XRN1: variants seen among roughly 807,000 people sequenced by gnomAD.
The protein encoded by XRN1 is 5'-3' exoribonuclease 1, also known as strand-exchange protein 1 homolog.
Under a neutral mutation model 222.3 loss-of-function variants are expected in XRN1, and 67 were observed. That is an observed-to-expected ratio of 0.30 (90% CI 0.25 to 0.37). XRN1 has a LOEUF of 0.37. Ranked by LOEUF, XRN1 falls within the 10% of genes least tolerant of loss-of-function variation. The pLI, the probability that XRN1 is intolerant of heterozygous loss-of-function variation, is 1.00. For synonymous variants in XRN1, 643 were observed against 652.4 expected, an observed-to-expected ratio of 0.99 and a Z score of 0.22; for missense variants, 1,707 against 2,000.2, an observed-to-expected ratio of 0.85 and a Z score of 2.80.
At chr3:142,314,616 C>T (rs749221667) in intron 39 of XRN1, among the ~76,000 whole-genome samples, 3 of 151,734 alleles carry the variant, frequency 2.0e-5, no homozygotes, top group Non-Finnish European at 4.4e-5. Flanking sequence ...ATGACTAAAA[C>T]ATTGTTGGCT....
In XRN1 at chr3:142,446,646, A is replaced by T. The variant is rs986809383; in HGVS notation, c.75+1224T>A. ...TTTAGAGATAAAGTGACTGATATAT[A>T]GCAGGTACTGACTGAAGGATGCAAG... On this transcript the variant is annotated intron_variant, in intron 1 of 40. Transcript: ENST00000392981. Among the ~76,000 whole-genome samples the T allele has an allele frequency of 5.3e-5, 8 of 152,260 alleles. No individual in the cohort carries two copies. The South Asian group carries it at 1.4e-3, about 28-fold the overall frequency.
At chr3:142,334,947 T>C (rs2065812913) in intron 34 of XRN1, among the ~76,000 whole-genome samples, 8 of 146,776 alleles carry the variant, frequency 5.5e-5, no homozygotes, top group Admixed American at 5.4e-4. Context: ...GTGATTCTCC[T>C]GCCTCAGCCT....
Position 142,318,716 on chromosome 3 carries a change from A to C in XRN1, c.4519-22T>G, listed in dbSNP as rs1300042212. ...AGCCCTGTGGAAGTATTTAAAAGTTACAAGACAATGCAATACAAGCTTTCT... is the reference window on the plus strand; with the variant it reads ...AGCCCTGTGGAAGTATTTAAAAGTTCCAAGACAATGCAATACAAGCTTTCT... On this transcript the variant is annotated intron_variant, in intron 38 of 40. Coordinates refer to ENST00000392981, the MANE Select transcript of XRN1 (RefSeq NM_001282857.2). The C allele has an allele frequency of 1.9e-6, 3 of 1,610,338 alleles. No individual in the cohort carries two copies. In the East Asian group the frequency reaches 6.7e-5, roughly 36 times the overall value.
chr3:142,383,186 ATTCT>A, intron 22 of XRN1, 110 bp downstream of exon 22: 2 of 833,890 alleles, frequency 2.4e-6, no homozygotes, highest in Admixed American at 2.8e-5. Context: ...ACATGGATAA[ATTCT>A]TTATTTTTTC....
intron 14 of XRN1, among the ~76,000 whole-genome samples, chr3:142,413,575 G>C (rs931721207): frequency 3.3e-5 from 5 of 152,180 alleles, no homozygotes; most frequent in Non-Finnish European, 7.3e-5. Context: ...TATAACTTCA[G>C]AATCACCTTA....
intron 2 of XRN1, among the ~76,000 whole-genome samples, chr3:142,428,499 T>C (rs535589166): frequency 1.2e-3 from 179 of 151,410 alleles, no homozygotes; most frequent in Middle Eastern, 6.9e-3. Flanking sequence ...ATAAAGAAAA[T>C]GTTTGACAGG....
chr3:142,345,709 A>T (rs1163683533), intron 33 of XRN1, among the ~76,000 whole-genome samples: 1 of 152,238 alleles, frequency 6.6e-6, no homozygotes, highest in African/African-American at 2.4e-5. Flanking sequence ...CCAAGAAAAA[A>T]GATTAAAAAA....
chr3:142,313,386 G>A (rs1270431014), intron 39 of XRN1, among the ~76,000 whole-genome samples: 2 of 152,000 alleles, frequency 1.3e-5, no homozygotes, highest in East Asian at 3.8e-4. Context: ...TCCTGGACAG[G>A]GCCTCAGACC....
At chr3:142,408,780 GA>G (rs1432633046) in intron 15 of XRN1, among the ~76,000 whole-genome samples, 1 of 152,190 alleles carries the variant, frequency 6.6e-6, no homozygotes, top group Non-Finnish European at 1.5e-5. Flanking sequence ...AGATAGATAT[GA>G]AAAGTGCTTT....
chr3:142,395,212 G>A (rs2067882763), intron 20 of XRN1, among the ~76,000 whole-genome samples: 1 of 152,202 alleles, frequency 6.6e-6, no homozygotes, highest in African/African-American at 2.4e-5. Flanking sequence ...AGACAGAAGA[G>A]CTAGGGAGGC....
In XRN1 at chr3:142,310,610, T is replaced by C. The variant is rs1293483115; in HGVS notation, c.*901A>G. On this transcript the variant is annotated 3_prime_UTR_variant, in exon 41 of 41. Transcript: ENST00000392981. ...TTCTTCAGTCCCAAGAAGCACTACA[T>C]ACCGACCAACTATGAAGCTCTCATA... 6.6e-6 allele frequency: 1 copy of C among 152,602 alleles called. No individual in the cohort carries two copies. The highest frequency in any genetic ancestry group is 1.9e-4 in the East Asian group (1 of 5,204). 9.5% of individuals were successfully genotyped at this position (152,602 alleles called of 1,614,324 possible). A position where few individuals can be genotyped will look rare whatever the true frequency, so the allele number is the denominator to read the frequency against.
chr3:142,365,772 C>G (rs752435503), intron 27 of XRN1, among the ~76,000 whole-genome samples: 4 of 152,108 alleles, frequency 2.6e-5, no homozygotes, highest in Non-Finnish European at 5.9e-5. Flanking sequence ...ACTTCTAACA[C>G]AAAAGATTAC....
chr3:142,394,509 C>G (rs74847752), intron 20 of XRN1, among the ~76,000 whole-genome samples: 3,571 of 152,286 alleles, frequency 0.023, 141 homozygotes, highest in African/African-American at 0.082. Flanking sequence ...TTATGACCAA[C>G]CTTCCTTTTC....
At chr3:142,338,998 TG>T (rs1560303449) in intron 33 of XRN1, among the ~76,000 whole-genome samples, 1 of 152,316 alleles carries the variant, frequency 6.6e-6, no homozygotes, top group East Asian at 1.9e-4. Flanking sequence ...AGGATCTACC[TG>T]GGACCTAAGG....
chr3:142,424,714 G>A (rs1464813884), intron 5 of XRN1, among the ~76,000 whole-genome samples: 1 of 151,950 alleles, frequency 6.6e-6, no homozygotes, highest in Non-Finnish European at 1.5e-5. Context: ...TTTAATAATC[G>A]GGCGGGGAGT....
At chr3:142,374,025 A>G (rs1372348945) in intron 25 of XRN1, among the ~76,000 whole-genome samples, 1 of 152,138 alleles carries the variant, frequency 6.6e-6, no homozygotes, top group Non-Finnish European at 1.5e-5. Context: ...AGGGAAAATA[A>G]TCTCCAATCT....
rs1364974851 is a variant in XRN1, at chr3:142,339,447, C to T, written c.3878-3938G>A. Among the ~76,000 whole-genome samples, 3 of 152,068 alleles carry T rather than the reference C, an allele frequency of 2.0e-5. No individual in the cohort carries two copies. In the East Asian group the frequency reaches 5.8e-4, roughly 29 times the overall value. On this transcript the variant is annotated intron_variant, in intron 33 of 40. Transcript: ENST00000392981. ...ATTTCAAATACTTGGAAAGTGTTCC[C>T]AAGAAGGACTGCTACAAACAAGCCC...
chr3:142,360,339 C>T (rs2066580430), intron 29 of XRN1, among the ~76,000 whole-genome samples: 3 of 152,090 alleles, frequency 2.0e-5, no homozygotes, highest in Admixed American at 1.3e-4. Flanking sequence ...TTGTGAGATT[C>T]ACCCACGTAA....
In XRN1 at chr3:142,406,881, T is replaced by C. The variant is rs1002214709; in HGVS notation, c.1714-1805A>G. Among the ~76,000 whole-genome samples the C allele has an allele frequency of 4.6e-5, 7 of 152,318 alleles. No individual in the cohort carries two copies. In the East Asian group the frequency reaches 5.8e-4, roughly 13 times the overall value. The stretch of plus-strand genomic sequence containing the variant: ...AAGATATAACAAAATCTTGCAGTCA[T>C]CATCCAGTCAGCTTCCCTGCAGTAA... On this transcript the variant is annotated intron_variant, in intron 15 of 40. Transcript: ENST00000392981.
Sources: allele counts gnomAD v4.1 joint callset (sites outside exome capture counted in the v4.1 genomes callset), GRCh38; gene constraint gnomAD v4.1.1; transcripts MANE v1.5; gene names NCBI Gene and HGNC (gene_info 2026-07-23, HGNC 2026-07-21).